Variants in NTN4 observed in about 807,000 individuals in gnomAD.
NTN4 encodes netrin-4.
In NTN4, 32 loss-of-function variants were observed where a neutral mutation model predicts 73.6. The ratio of observed to expected loss-of-function variants is 0.44; its 90% confidence interval spans 0.33 to 0.58. The LOEUF (loss-of-function observed/expected upper bound fraction) is 0.58, where lower values mean the gene tolerates loss of function less well. Ranked by LOEUF, NTN4 falls within the 20% of genes least tolerant of loss-of-function variation. The pLI, the probability that NTN4 is intolerant of heterozygous loss-of-function variation, is 0.04. For missense variants in NTN4, 654 were observed against 798.3 expected (o/e 0.82, Z 2.18); for synonymous variants, 258 against 287.5 (o/e 0.90, Z 1.04).
At chr12:95,712,787 CTTTTTTTTTTT>C (rs35614636) in intron 4 of NTN4, among the ~76,000 whole-genome samples, 3 of 105,736 alleles carry the variant, frequency 2.8e-5, no homozygotes, top group Admixed American at 1.1e-4. Flanking sequence ...TTCTTTCTTT[CTTTTTTTTTTT>C]TTTTTTTTTT....
At chr12:95,760,507 G>C (rs2078979602) in intron 2 of NTN4, among the ~76,000 whole-genome samples, 1 of 151,992 alleles carries the variant, frequency 6.6e-6, no homozygotes, top group African/African-American at 2.4e-5. Flanking sequence ...ACTCATCTCT[G>C]TCTCCTCAAC....
chr12:95,693,203 G>A (rs537865310), intron 5 of NTN4, among the ~76,000 whole-genome samples: 1 of 151,944 alleles, frequency 6.6e-6, no homozygotes, highest in East Asian at 1.9e-4. Flanking sequence ...TGTAGATAAT[G>A]ACAGGGCAGT....
At chr12:95,721,172 T>C (rs2078645150) in intron 3 of NTN4, among the ~76,000 whole-genome samples, 1 of 152,206 alleles carries the variant, frequency 6.6e-6, no homozygotes, top group East Asian at 1.9e-4. Context: ...GATGACACTT[T>C]TATAAATAAA....
At chr12:95,756,233 C>T (rs1283836026) in intron 2 of NTN4, among the ~76,000 whole-genome samples, 3 of 152,198 alleles carry the variant, frequency 2.0e-5, no homozygotes, top group Non-Finnish European at 4.4e-5. Flanking sequence ...TTGATACCAT[C>T]AGCACTTGTC....
chr12:95,777,330 A>G (rs1212878196), intron 2 of NTN4, among the ~76,000 whole-genome samples: 1 of 152,180 alleles, frequency 6.6e-6, no homozygotes, highest in Non-Finnish European at 1.5e-5. Context: ...TTAAATGTAA[A>G]TGGGCTAAAT....
At chr12:95,710,842 A>G (rs1302482662) in intron 4 of NTN4, among the ~76,000 whole-genome samples, 1 of 152,036 alleles carries the variant, frequency 6.6e-6, no homozygotes, top group Non-Finnish European at 1.5e-5. Context: ...CATCTCTACT[A>G]AATACAAAAA....
intron 2 of NTN4, among the ~76,000 whole-genome samples, chr12:95,772,978 T>C (rs1490549616): frequency 1.4e-5 from 2 of 141,052 alleles, no homozygotes; most frequent in African/African-American, 5.4e-5. Flanking sequence ...TCTCAAAATC[T>C]CCAATGGCTT....
chr12:95,683,362 T>C, intron 6 of NTN4, 136 bp downstream of exon 6: 1 of 834,150 alleles, frequency 1.2e-6, no homozygotes, highest in South Asian at 1.8e-5. Context: ...ACGCCCAGCC[T>C]GACAAAAATT....
At position 95,775,467 on chromosome 12, in the gene NTN4, CG is replaced by C. The variant is rs1291577976; in HGVS notation, c.585+11471del. Among the ~76,000 whole-genome samples the C allele has an allele frequency of 9.2e-5, 14 of 152,352 alleles. No individual in the cohort carries two copies. The East Asian group carries it at 2.5e-3, about 27-fold the overall frequency. On this transcript the variant is annotated intron_variant, in intron 2 of 9. Coordinates refer to ENST00000343702, the MANE Select transcript of NTN4 (RefSeq NM_021229.4). ...CTGTGACAGATGGCACCTGGAAAAT[CG>C]GGTCACTCCCACCCTAATATTGCGC...
chr12:95,753,378 G>A (rs1272512328), intron 2 of NTN4, among the ~76,000 whole-genome samples: 1 of 147,602 alleles, frequency 6.8e-6, no homozygotes, highest in Non-Finnish European at 1.5e-5. Flanking sequence ...CCCAGGACTG[G>A]CAAATTAGCT....
chr12:95,718,244 A>G (rs1026017164), intron 3 of NTN4, among the ~76,000 whole-genome samples: 3 of 152,228 alleles, frequency 2.0e-5, no homozygotes, highest in East Asian at 3.8e-4. Flanking sequence ...TTTTAGATTC[A>G]TAACTGGAAG....
chr12:95,786,048 G>A (rs2079165171), intron 2 of NTN4, among the ~76,000 whole-genome samples: 1 of 152,072 alleles, frequency 6.6e-6, no homozygotes, highest in Non-Finnish European at 1.5e-5. Context: ...TGTCCCCAGG[G>A]AAGAGGAGCC....
chr12:95,785,420 C>G (rs964219996), intron 2 of NTN4, among the ~76,000 whole-genome samples: 4 of 152,220 alleles, frequency 2.6e-5, no homozygotes, highest in African/African-American at 7.2e-5. Flanking sequence ...AAATGTCCAT[C>G]ATGACAGGTT....
At chr12:95,748,230 C>CAAAAAAAAAAA (rs769213172) in intron 2 of NTN4, among the ~76,000 whole-genome samples, 5 of 76,476 alleles carry the variant, frequency 6.5e-5, no homozygotes, top group Non-Finnish European at 1.0e-4. Flanking sequence ...GACTCTGTCT[C>CAAAAAAAAAAA]AAAAAAAAAA....
At chr12:95,763,677 G>A (rs1171524412) in intron 2 of NTN4, among the ~76,000 whole-genome samples, 2 of 152,132 alleles carry the variant, frequency 1.3e-5, no homozygotes, top group Non-Finnish European at 2.9e-5. Flanking sequence ...TCCTCTCCAC[G>A]ATGTCAAGCG....
rs1462454659 is a variant in NTN4, at chr12:95,682,712, T to C, written c.1505A>G (p.His502Arg). Residue 502 changes from histidine to arginine, a missense_variant, in exon 7 of 10, where the codon CAC becomes CGC. Physicochemically the swap from His to Arg is conservative, Grantham distance 29. Transcript: ENST00000343702. ...EDAQGFSALL[H>R]SGKCECKEQT... Reference sequence around the variant, plus strand: ...CCTGGTTACATCCATCTCACCTGAGTGTAGAAGTGCAGAAAACCCCTGCGC... The same window carrying C: ...CCTGGTTACATCCATCTCACCTGAGCGTAGAAGTGCAGAAAACCCCTGCGC... The C allele has an allele frequency of 1.9e-6, 3 of 1,606,822 alleles. No individual in the cohort carries two copies. The highest frequency in any genetic ancestry group is 2.6e-6 in the Non-Finnish European group (3 of 1,173,796).
chr12:95,790,930 G>GGGGC (rs1555222873), upstream of NTN4, among the ~76,000 whole-genome samples: 2 of 145,310 alleles, frequency 1.4e-5, 1 homozygote, highest in East Asian at 5.3e-4. The surrounding 1 kb of genome is among the most constrained non-coding windows in gnomAD (Gnocchi z 6.5). Context: ...CTGCCGCCCG[G>GGGGC]GGGGGGGGTC....
chr12:95,710,232 A>C (rs537715276), intron 5 of NTN4, among the ~76,000 whole-genome samples: 3 of 152,332 alleles, frequency 2.0e-5, no homozygotes, highest in African/African-American at 7.2e-5. Flanking sequence ...GAGAATGAGA[A>C]AGGAAATTAC....
At chr12:95,712,126 G>A (rs749525022) in intron 4 of NTN4, among the ~76,000 whole-genome samples, 2 of 152,256 alleles carry the variant, frequency 1.3e-5, no homozygotes, top group Non-Finnish European at 2.9e-5. Flanking sequence ...AGAGAGGTTC[G>A]TGAGCGTTAA....
Sources: gnomAD v4.1 joint callset for allele counts (sites outside exome capture counted in the v4.1 genomes callset) on GRCh38, gnomAD v4.1.1 for gene constraint, Gnocchi (gnomAD v3.1) non-coding constraint, MANE v1.5 for transcripts, NCBI Gene and HGNC (gene_info 2026-07-23, HGNC 2026-07-21) for gene names.